Variants in MAGI2 observed in about 807,000 individuals in gnomAD.
The protein encoded by MAGI2 is membrane associated guanylate kinase, WW and PDZ domain containing 2.
MAGI2 carries 35 observed loss-of-function variants against 133.3 expected under a neutral mutation model. The observed-to-expected ratio is 0.26, with a 90% confidence interval of 0.20 to 0.35. MAGI2 has a LOEUF of 0.35. Among genes scored for constraint, MAGI2 ranks in the 10% least tolerant of loss-of-function variants. The pLI, the probability that MAGI2 is intolerant of heterozygous loss-of-function variation, is 1.00. For missense variants in MAGI2, 1,636 were observed against 1,863.4 expected, an observed-to-expected ratio of 0.88 and a Z score of 2.25; for synonymous variants, 729 against 710.6, an observed-to-expected ratio of 1.03 and a Z score of -0.41.
chr7:78,449,947 T>C (rs1016819847), intron 6 of MAGI2, among the ~76,000 whole-genome samples: 1 of 152,114 alleles, frequency 6.6e-6, no homozygotes, highest in African/African-American at 2.4e-5. Flanking sequence ...TCGATAACAC[T>C]GTCTTAGAGG....
intron 2 of MAGI2, among the ~76,000 whole-genome samples, chr7:78,732,237 T>C (rs1054256169): frequency 1.3e-5 from 2 of 152,170 alleles, no homozygotes; most frequent in African/African-American, 4.8e-5. Context: ...AGAATTCAGC[T>C]TGCCTGAGTG....
chr7:79,140,621 A>G (rs113435084), intron 1 of MAGI2, among the ~76,000 whole-genome samples: 3,842 of 152,298 alleles, frequency 0.025, 57 homozygotes, highest in Middle Eastern at 0.048. Context: ...TCAAAATAGC[A>G]CAATGATTGT....
intron 1 of MAGI2, among the ~76,000 whole-genome samples, chr7:79,064,398 C>T (rs2117096476): frequency 2.6e-5 from 4 of 152,068 alleles, no homozygotes; most frequent in African/African-American, 9.6e-5. Flanking sequence ...TGCATAAGAC[C>T]ACAGAGTTGG....
At chr7:78,388,069 G>A (rs552954808) in intron 6 of MAGI2, among the ~76,000 whole-genome samples, 29 of 152,288 alleles carry the variant, frequency 1.9e-4, no homozygotes, top group African/African-American at 6.5e-4. Context: ...AGGTATTTAG[G>A]TAAGTATATT....
intron 21 of MAGI2, among the ~76,000 whole-genome samples, chr7:78,037,838 G>C (rs890822839): frequency 2.6e-5 from 4 of 152,178 alleles, no homozygotes; most frequent in African/African-American, 9.7e-5. Context: ...ATTTATGTTG[G>C]TGGACCTGCT....
intron 2 of MAGI2, among the ~76,000 whole-genome samples, chr7:78,984,056 A>G (rs115456713): frequency 8.0e-4 from 122 of 152,118 alleles, no homozygotes; most frequent in African/African-American, 2.9e-3. Context: ...TTTGCAACTC[A>G]TTAGAAATGG....
intron 2 of MAGI2, among the ~76,000 whole-genome samples, chr7:78,784,874 C>CT (rs374469729): frequency 2.6e-4 from 40 of 152,292 alleles, no homozygotes; most frequent in African/African-American, 8.7e-4. Context: ...GGCTGTGACC[C>CT]TAAGAAGGTT....
chr7:78,134,960 A>C, intron 17 of MAGI2, 61 bp downstream of exon 17: 5 of 1,481,856 alleles, frequency 3.4e-6, no homozygotes, highest in Non-Finnish European at 4.7e-6. Flanking sequence ...CAGGCTGAGA[A>C]CACCCGGTGA....
intron 1 of MAGI2, among the ~76,000 whole-genome samples, chr7:79,013,230 A>G (rs1462768797): frequency 6.6e-6 from 1 of 152,128 alleles, no homozygotes; most frequent in Non-Finnish European, 1.5e-5. Context: ...AATTAGCTAT[A>G]CTCCATAAGA....
At chr7:78,957,429 C>G (rs972341877) in intron 2 of MAGI2, among the ~76,000 whole-genome samples, 1 of 151,890 alleles carries the variant, frequency 6.6e-6, no homozygotes, top group African/African-American at 2.4e-5. Flanking sequence ...GCCTCAATTA[C>G]TGATAATTGT....
intron 2 of MAGI2, among the ~76,000 whole-genome samples, chr7:78,809,206 C>A (rs1047423399): frequency 8.5e-5 from 13 of 152,158 alleles, no homozygotes; most frequent in African/African-American, 2.9e-4. Context: ...TAGGATGATA[C>A]AGTTCATACA....
intron 2 of MAGI2, among the ~76,000 whole-genome samples, chr7:78,647,708 G>T (rs531859231): frequency 2.0e-5 from 3 of 152,256 alleles, no homozygotes; most frequent in Admixed American, 2.0e-4. Flanking sequence ...TATGTTTATT[G>T]TGGCATTATT....
chr7:79,445,910 C>A (rs566250789), intron 1 of MAGI2, among the ~76,000 whole-genome samples: 45 of 152,286 alleles, frequency 3.0e-4, no homozygotes, highest in African/African-American at 8.7e-4. Flanking sequence ...GGACTTGGAA[C>A]CAAGCCAAAT....
chr7:79,142,400 G>C (rs1326229660), intron 1 of MAGI2, among the ~76,000 whole-genome samples: 1 of 152,130 alleles, frequency 6.6e-6, no homozygotes, highest in East Asian at 1.9e-4. Context: ...GATTGAGACA[G>C]AGTTTAACTC....
chr7:78,155,656 G>A (rs535994149), intron 16 of MAGI2, among the ~76,000 whole-genome samples: 1 of 151,898 alleles, frequency 6.6e-6, no homozygotes, highest in South Asian at 2.1e-4. Flanking sequence ...AAACAAACAA[G>A]CAAAAAGATA....
At chr7:79,395,796 T>C (rs1022945224) in intron 1 of MAGI2, among the ~76,000 whole-genome samples, 1 of 152,188 alleles carries the variant, frequency 6.6e-6, no homozygotes, top group African/African-American at 2.4e-5. Flanking sequence ...ATGTATATGT[T>C]TGTTTTTCTC....
chr7:79,377,867 C>G (rs930756585), intron 1 of MAGI2, among the ~76,000 whole-genome samples: 6 of 151,788 alleles, frequency 4.0e-5, no homozygotes, highest in African/African-American at 9.7e-5. Context: ...AGGTCGAATA[C>G]AGGTCACTTT....
chr7:78,508,183 G>A (rs773800435), intron 4 of MAGI2, among the ~76,000 whole-genome samples: 5 of 151,456 alleles, frequency 3.3e-5, no homozygotes, highest in African/African-American at 4.9e-5. Flanking sequence ...GGATGACCAC[G>A]TCCTAACTAA....
chr7:79,334,153 A>T (rs1840273536), intron 1 of MAGI2, among the ~76,000 whole-genome samples: 1 of 152,144 alleles, frequency 6.6e-6, no homozygotes, highest in Non-Finnish European at 1.5e-5. Flanking sequence ...GACCAGATTC[A>T]CATTCTATTT....
Sources: gnomAD v4.1 joint callset for allele counts (sites outside exome capture counted in the v4.1 genomes callset) on GRCh38, gnomAD v4.1.1 for gene constraint, MANE v1.5 for transcripts, NCBI Gene and HGNC (gene_info 2026-07-23, HGNC 2026-07-21) for gene names.